Variants in CRYL1 observed in about 807,000 individuals in gnomAD.
The protein encoded by CRYL1 is crystallin lambda 1.
Under a neutral mutation model 36.6 loss-of-function variants are expected in CRYL1, and 29 were observed. The observed-to-expected ratio is 0.79, with a 90% CI of 0.59 to 1.08. The LOEUF (loss-of-function observed/expected upper bound fraction) is 1.08, where lower values mean the gene tolerates loss of function less well. Ranked by LOEUF, CRYL1 falls within the 50% of genes least tolerant of loss-of-function variation. The pLI is 0.00. For synonymous variants in CRYL1, 152 were observed against 151.5 expected (o/e 1.00, Z -0.02); for missense variants, 411 against 407.9 (o/e 1.01, Z -0.06).
intron 3 of CRYL1, among the ~76,000 whole-genome samples, chr13:20,476,163 C>T (rs1274866675): frequency 1.3e-5 from 2 of 152,078 alleles, no homozygotes; most frequent in East Asian, 1.9e-4. Flanking sequence ...ATGTGCAATG[C>T]GATACTTGCT....
At chr13:20,479,511 T>G (rs2033233236) in intron 3 of CRYL1, among the ~76,000 whole-genome samples, 1 of 152,184 alleles carries the variant, frequency 6.6e-6, no homozygotes, top group Non-Finnish European at 1.5e-5. Flanking sequence ...AGATCATTAT[T>G]TTCTAGGTGA....
chr13:20,504,302 CTT>C (rs757657892), intron 2 of CRYL1, among the ~76,000 whole-genome samples: 16 of 128,460 alleles, frequency 1.2e-4, no homozygotes, highest in South Asian at 2.5e-4. Flanking sequence ...CTTTTCTTTT[CTT>C]TTTTTTTTTT....
At chr13:20,497,069 C>G (rs1349218699) in intron 2 of CRYL1, among the ~76,000 whole-genome samples, 1 of 152,024 alleles carries the variant, frequency 6.6e-6, no homozygotes, top group Non-Finnish European at 1.5e-5. Flanking sequence ...TCAGAATCTG[C>G]AGGTACCAAA....
At chr13:20,418,508 TG>T (rs2137372760) in intron 5 of CRYL1, 2 of 152,378 alleles carry the variant, frequency 1.3e-5, no homozygotes, top group African/African-American at 4.8e-5. Context: ...TCTCCTCTAC[TG>T]ATCACCAGCT....
chr13:20,433,482 C>G (rs1049648836), intron 4 of CRYL1, among the ~76,000 whole-genome samples: 1 of 152,166 alleles, frequency 6.6e-6, no homozygotes, highest in Non-Finnish European at 1.5e-5. Context: ...TTAAAGATGA[C>G]TCCCACAGAA....
chr13:20,494,768 A>T (rs2033575874), intron 2 of CRYL1, among the ~76,000 whole-genome samples: 1 of 152,192 alleles, frequency 6.6e-6, no homozygotes, highest in South Asian at 2.1e-4. Flanking sequence ...TCCCATGGAG[A>T]CAGCAAGCAG....
chr13:20,473,879 C>T (rs940925933), intron 3 of CRYL1, among the ~76,000 whole-genome samples: 6 of 152,130 alleles, frequency 3.9e-5, no homozygotes, highest in Admixed American at 6.5e-5. Flanking sequence ...AAAAACACAG[C>T]AAGTGAATCG....
chr13:20,453,238 A>C (rs2032608393), intron 3 of CRYL1, among the ~76,000 whole-genome samples: 1 of 152,200 alleles, frequency 6.6e-6, no homozygotes. Context: ...ATAGAAATCA[A>C]ACAAAGTATG....
chr13:20,441,447 G>A (rs2032349749), intron 3 of CRYL1, among the ~76,000 whole-genome samples: 1 of 152,124 alleles, frequency 6.6e-6, no homozygotes, highest in South Asian at 2.1e-4. Context: ...GCATCCTCAA[G>A]GGTTTCCTCT....
chr13:20,489,948 A>G (rs1409165181), intron 2 of CRYL1, among the ~76,000 whole-genome samples: 2 of 152,220 alleles, frequency 1.3e-5, no homozygotes, highest in Non-Finnish European at 2.9e-5. Context: ...ACACAACAGA[A>G]TATTATTCAG....
chr13:20,409,511 C>G (rs1245485038), intron 6 of CRYL1, among the ~76,000 whole-genome samples: 1 of 150,444 alleles, frequency 6.6e-6, no homozygotes, highest in South Asian at 2.1e-4. Context: ...GCAATGGCAA[C>G]AAAAGCCAAA....
intron 3 of CRYL1, among the ~76,000 whole-genome samples, chr13:20,482,119 A>C (rs1211351544): frequency 6.6e-6 from 1 of 151,992 alleles, no homozygotes; most frequent in Admixed American, 6.6e-5. Context: ...AAAACAAATA[A>C]ATTTCCAAAA....
chr13:20,446,680 T>G (rs1473664561), intron 3 of CRYL1, among the ~76,000 whole-genome samples: 1 of 152,204 alleles, frequency 6.6e-6, no homozygotes, highest in Non-Finnish European at 1.5e-5. Context: ...CTTATCTCCC[T>G]TTTAATTTAA....
rs1324081406 is a variant in CRYL1, at chr13:20,453,385, A to G, written c.277-13631T>C. 5.3e-5 allele frequency among the ~76,000 whole-genome samples: 3 copies of G among 57,064 alleles called. No individual in the cohort carries two copies. The Admixed American group carries it at 6.4e-4, about 12-fold the overall frequency. The allele number at this position is 57,064 out of a possible 152,430, so 37.4% of individuals were successfully genotyped here. A position where few individuals can be genotyped will look rare whatever the true frequency, so the allele number is the denominator to read the frequency against. ...TGAAATTCTCATGGGAAATTAGAAT[A>G]TTTTGAAATATTTTGAATATTTTGA... On this transcript the variant is annotated intron_variant, in intron 3 of 7. Coordinates refer to ENST00000298248, the MANE Select transcript of CRYL1 (RefSeq NM_015974.3).
intron 2 of CRYL1, among the ~76,000 whole-genome samples, chr13:20,510,489 G>GA (rs2033893340): frequency 6.6e-6 from 1 of 152,146 alleles, no homozygotes; most frequent in South Asian, 2.1e-4. Context: ...GCGGTTGGGG[G>GA]GAAGGGAGGG....
intron 1 of CRYL1, among the ~76,000 whole-genome samples, chr13:20,523,618 G>C (rs2034134926): frequency 6.6e-6 from 1 of 152,096 alleles, no homozygotes; most frequent in African/African-American, 2.4e-5. Flanking sequence ...GGCCAGGAAA[G>C]AAATAGAGGG....
intron 2 of CRYL1, among the ~76,000 whole-genome samples, chr13:20,508,848 CAAAAAA>C (rs1179533995): frequency 2.9e-4 from 3 of 10,452 alleles, no homozygotes; most frequent in African/African-American, 9.6e-4. Context: ...AGCGAGACTC[CAAAAAA>C]AAAAAAAAAA....
At chr13:20,453,597 A>G (rs2137420981) in intron 3 of CRYL1, among the ~76,000 whole-genome samples, 1 of 152,264 alleles carries the variant, frequency 6.6e-6, no homozygotes, top group South Asian at 2.1e-4. Context: ...CTATCTTCAG[A>G]AACTGAAAAA....
chr13:20,463,853 C>T (rs17245999), intron 3 of CRYL1, among the ~76,000 whole-genome samples: 1,763 of 152,268 alleles, frequency 0.012, 18 homozygotes, highest in Middle Eastern at 0.024. Flanking sequence ...GTACCGAAAA[C>T]GCACAAATCC....
Sources: gnomAD v4.1 joint callset for allele counts (sites outside exome capture counted in the v4.1 genomes callset) on GRCh38, gnomAD v4.1.1 for gene constraint, MANE v1.5 for transcripts, NCBI Gene and HGNC (gene_info 2026-07-23, HGNC 2026-07-21) for gene names.